The following MACROD2 variants were observed in gnomAD, a reference collection of about 807,000 sequenced individuals.
The protein encoded by MACROD2 is ADP-ribose glycohydrolase MACROD2.
A neutral mutation model predicts 70.4 loss-of-function variants in MACROD2; 36 were observed. The observed-to-expected ratio is 0.51, with a 90% CI of 0.39 to 0.68. The LOEUF (loss-of-function observed/expected upper bound fraction) is 0.68. MACROD2 is among the 30% of genes least tolerant of loss of function. The pLI, the probability that MACROD2 is intolerant of heterozygous loss-of-function variation, is 0.00. For missense variants in MACROD2, 496 were observed against 538.4 expected (o/e 0.92, Z 0.78); for synonymous variants, 172 against 178.8 (o/e 0.96, Z 0.30).
chr20:15,449,436 A>C (rs1376264648), intron 7 of MACROD2, among the ~76,000 whole-genome samples: 2 of 152,190 alleles, frequency 1.3e-5, no homozygotes, highest in Non-Finnish European at 2.9e-5. Context: ...ATGCTAAAAA[A>C]CAGTAAAGCA....
chr20:15,965,481 G>A (rs1370554288), intron 12 of MACROD2, among the ~76,000 whole-genome samples: 1 of 152,066 alleles, frequency 6.6e-6, no homozygotes, highest in Non-Finnish European at 1.5e-5. Flanking sequence ...ATTAACAACA[G>A]TGAATTATTA....
intron 6 of MACROD2, among the ~76,000 whole-genome samples, chr20:15,416,670 C>T (rs986094304): frequency 1.3e-5 from 2 of 152,012 alleles, no homozygotes; most frequent in African/African-American, 4.8e-5. Flanking sequence ...TTTGGGAGGC[C>T]GAGGCAGTCG....
intron 2 of MACROD2, among the ~76,000 whole-genome samples, chr20:14,042,025 A>G (rs530862152): frequency 2.6e-5 from 4 of 152,318 alleles, no homozygotes; most frequent in Admixed American, 2.0e-4. Flanking sequence ...TTAACAGTGT[A>G]AAAGAAAGGA....
intron 5 of MACROD2, among the ~76,000 whole-genome samples, chr20:14,840,143 T>C (rs758418674): frequency 1.3e-5 from 2 of 151,336 alleles, no homozygotes; most frequent in Non-Finnish European, 3.0e-5. Context: ...GTTCAAGCAA[T>C]TCTCCTGCCT....
intron 8 of MACROD2, among the ~76,000 whole-genome samples, chr20:15,738,619 T>A (rs542736453): frequency 6.6e-6 from 1 of 152,278 alleles, no homozygotes; most frequent in South Asian, 2.1e-4. Flanking sequence ...TGATTCAAAG[T>A]CTTTATTGGC....
intron 8 of MACROD2, among the ~76,000 whole-genome samples, chr20:15,815,316 G>C (rs1469328749): frequency 6.6e-6 from 1 of 152,144 alleles, no homozygotes; most frequent in Non-Finnish European, 1.5e-5. Context: ...AAGCTTAAAG[G>C]ATAAAGAACC....
intron 2 of MACROD2, among the ~76,000 whole-genome samples, chr20:14,021,579 T>C (rs1209747443): frequency 2.0e-5 from 3 of 152,216 alleles, no homozygotes; most frequent in African/African-American, 4.8e-5. Context: ...GCAGTTTCTC[T>C]TTGTTTTTTG....
In MACROD2 at chr20:15,966,415, G is replaced by T. The variant is rs193035887; in HGVS notation, c.908-1138G>T. On this transcript the variant is annotated intron_variant, in intron 12 of 17. Transcript: ENST00000684519. ...ATAAGCTCCATGAGGGCAGAGATTT[G>T]GTGTTTTGTTTCCTGTTGGCTCCCC... Among the ~76,000 whole-genome samples the T allele has an allele frequency of 5.5e-3, 840 of 152,242 alleles. 4 individuals carry two copies. The highest frequency in any genetic ancestry group is 8.9e-3 in the Non-Finnish European group (604 of 68,004).
At chr20:15,605,268 C>T (rs1298523347) in intron 8 of MACROD2, among the ~76,000 whole-genome samples, 1 of 152,100 alleles carries the variant, frequency 6.6e-6, no homozygotes, top group Non-Finnish European at 1.5e-5. Flanking sequence ...CATGAGTCTT[C>T]CTCTCTCTGA....
At chr20:14,101,654 C>G (rs1490146561) in intron 3 of MACROD2, among the ~76,000 whole-genome samples, 1 of 151,870 alleles carries the variant, frequency 6.6e-6, no homozygotes, top group African/African-American at 2.4e-5. Flanking sequence ...AAAACCTAAA[C>G]AGAAAAACCC....
At chr20:15,727,585 C>A (rs1009342419) in intron 8 of MACROD2, among the ~76,000 whole-genome samples, 1 of 152,006 alleles carries the variant, frequency 6.6e-6, no homozygotes, top group Non-Finnish European at 1.5e-5. Flanking sequence ...GAATGTTTTT[C>A]CATTTGTTTG....
intron 3 of MACROD2, among the ~76,000 whole-genome samples, chr20:14,185,354 A>G (rs1243409921): frequency 6.6e-6 from 1 of 152,128 alleles, no homozygotes; most frequent in Non-Finnish European, 1.5e-5. Flanking sequence ...AGGACTATCT[A>G]CACCTAGGGA....
At chr20:14,012,703 A>G (rs1431006306) in intron 2 of MACROD2, among the ~76,000 whole-genome samples, 1 of 152,216 alleles carries the variant, frequency 6.6e-6, no homozygotes, top group Non-Finnish European at 1.5e-5. Flanking sequence ...GTATTGCACT[A>G]AACATGATAA....
chr20:15,619,496 C>A, intron 8 of MACROD2: 1 of 306,736 alleles, frequency 3.3e-6, no homozygotes, highest in Non-Finnish European at 6.5e-6. Flanking sequence ...GCTTGGCCAC[C>A]CGCTGGCTTG....
rs16996172 is a variant in MACROD2 at position 15,629,306 on chromosome 20, C to T, written c.645+129459C>T. On this transcript the variant is annotated intron_variant, in intron 8 of 17. Coordinates refer to ENST00000684519, the MANE Select transcript of MACROD2 (RefSeq NM_001351661.2). ...TTTAGCCATTTTAGCTTTTCTGACG[C>T]GACTGTTTTGATGTAGATTGACCCC... 3.2e-4 allele frequency among the ~76,000 whole-genome samples: 48 copies of T among 152,256 alleles called. 1 individual carries two copies. In the South Asian group the frequency reaches 6.6e-3, roughly 21 times the overall value.
At chr20:14,757,132 A>G (rs1468721734) in intron 5 of MACROD2, among the ~76,000 whole-genome samples, 2 of 152,186 alleles carry the variant, frequency 1.3e-5, no homozygotes, top group Non-Finnish European at 1.5e-5. Flanking sequence ...TTTGAATTAA[A>G]TATCTGAAAG....
chr20:14,820,872 A>G (rs2072836372), intron 5 of MACROD2, among the ~76,000 whole-genome samples: 1 of 152,086 alleles, frequency 6.6e-6, no homozygotes, highest in Admixed American at 6.6e-5. Context: ...CAGTGTTCAC[A>G]TGATGCTTGG....
At chr20:15,060,115 G>A (rs973868214) in intron 5 of MACROD2, among the ~76,000 whole-genome samples, 2 of 152,300 alleles carry the variant, frequency 1.3e-5, no homozygotes, top group East Asian at 3.9e-4. Flanking sequence ...ACACCCTTGG[G>A]AAGGAGATTG....
At chr20:14,304,901 G>T (rs1023037822) in intron 3 of MACROD2, among the ~76,000 whole-genome samples, 1 of 151,566 alleles carries the variant, frequency 6.6e-6, no homozygotes, top group Non-Finnish European at 1.5e-5. Context: ...CATGTTCCTT[G>T]CTCTGGGACT....
Sources: allele counts gnomAD v4.1 joint callset (sites outside exome capture counted in the v4.1 genomes callset), GRCh38; gene constraint gnomAD v4.1.1; transcripts MANE v1.5; gene names NCBI Gene and HGNC (gene_info 2026-07-23, HGNC 2026-07-21).